The following HKDC1 variants were observed in gnomAD, a reference collection of about 807,000 sequenced individuals.
HKDC1 encodes the protein hexokinase domain containing 1.
A neutral mutation model predicts 96.6 loss-of-function variants in HKDC1; 66 were observed. The ratio of observed to expected loss-of-function variants is 0.68; its 90% CI spans 0.56 to 0.84. HKDC1 has a LOEUF of 0.84. Among genes scored for constraint, HKDC1 ranks in the 40% least tolerant of loss-of-function variants. The pLI, the probability that HKDC1 is intolerant of heterozygous loss-of-function variation, is 0.00. For synonymous variants in HKDC1, 466 were observed against 473.1 expected, an observed-to-expected ratio of 0.98 and a Z score of 0.20; for missense variants, 1,211 against 1,208.1, an observed-to-expected ratio of 1.00 and a Z score of -0.04.
chr10:69,250,268 G>GC, intron 10 of HKDC1, 22 bp from the exon 11 acceptor site: 1 of 1,604,852 alleles, frequency 6.2e-7, no homozygotes, highest in Admixed American at 1.7e-5. Flanking sequence ...ATGGAATGCA[G>GC]CTGCTGCTTT....
chr10:69,244,045 G>T (rs546533479), intron 7 of HKDC1, among the ~76,000 whole-genome samples: 2 of 151,952 alleles, frequency 1.3e-5, no homozygotes, highest in Non-Finnish European at 2.9e-5. Context: ...CGTCGTGTTC[G>T]CATGTCCCCC....
chr10:69,225,070 C>T (rs1033094786), intron 1 of HKDC1, among the ~76,000 whole-genome samples: 1 of 152,206 alleles, frequency 6.6e-6, no homozygotes. Flanking sequence ...GACATTCTTT[C>T]TGTCATAACC....
At chr10:69,228,889 G>T (rs941906138) in intron 2 of HKDC1, among the ~76,000 whole-genome samples, 1 of 125,898 alleles carries the variant, frequency 7.9e-6, no homozygotes, top group East Asian at 2.0e-4. Context: ...AAAGGAAGAA[G>T]AAAGAAAGAA....
intron 12 of HKDC1, among the ~76,000 whole-genome samples, chr10:69,256,381 A>G (rs540580734): frequency 3.0e-4 from 46 of 152,314 alleles, no homozygotes; most frequent in African/African-American, 9.6e-4. Flanking sequence ...TTTGCCTTTG[A>G]TCACATTGTA....
At chr10:69,238,502 G>A (rs1272643050) in intron 4 of HKDC1, among the ~76,000 whole-genome samples, 2 of 85,618 alleles carry the variant, frequency 2.3e-5, no homozygotes, top group Non-Finnish European at 4.5e-5. Context: ...TCAGCCTCCC[G>A]AGTAGCTGGG....
At chr10:69,220,593 G>C in intron 1 of HKDC1, 95 bp downstream of exon 1, 1 of 855,412 alleles carries the variant, frequency 1.2e-6, no homozygotes, top group Non-Finnish European at 1.8e-6. Context: ...AGTGAAGAGA[G>C]CTTATTAGAA....
At chr10:69,249,745 T>C (rs7092458) in intron 10 of HKDC1, among the ~76,000 whole-genome samples, 151,168 of 152,252 alleles carry the variant, frequency 0.99, 75,054 homozygotes, top group Non-Finnish European at 1. Context: ...GTGATCCACC[T>C]GCCTCGGCCT....
intron 1 of HKDC1, chr10:69,226,136 T>G (rs895408561): frequency 2.6e-5 from 4 of 152,146 alleles, no homozygotes; most frequent in Non-Finnish European, 5.9e-5. Flanking sequence ...TTAATTAGTG[T>G]GAGGGAGGAA....
intron 10 of HKDC1, 46 bp downstream of exon 10, chr10:69,248,774 C>G: frequency 1.3e-6 from 2 of 1,504,858 alleles, no homozygotes; most frequent in Non-Finnish European, 1.8e-6. Context: ...CCAGGGCTCC[C>G]GTCAAAACTC....
intron 12 of HKDC1, 83 bp from the exon 13 acceptor site, chr10:69,256,953 T>C (rs1465293917): frequency 2.0e-6 from 2 of 1,024,606 alleles, no homozygotes; most frequent in Non-Finnish European, 3.1e-6. Flanking sequence ...CCAGCTATAG[T>C]GCTTTGCATC....
chr10:69,235,690 G>T (rs1843350044), intron 4 of HKDC1, among the ~76,000 whole-genome samples: 1 of 152,182 alleles, frequency 6.6e-6, no homozygotes, highest in African/African-American at 2.4e-5. Context: ...AGCTCTGTGA[G>T]AATTCATTCA....
chr10:69,242,429 G>GAAAAAAAAAA (rs5785904), intron 6 of HKDC1, among the ~76,000 whole-genome samples: 2 of 115,338 alleles, frequency 1.7e-5, no homozygotes, highest in Non-Finnish European at 3.4e-5. Flanking sequence ...AGATACTGAA[G>GAAAAAAAAAA]AAAAAAAAAA....
intron 12 of HKDC1, among the ~76,000 whole-genome samples, chr10:69,255,000 A>T (rs1288234915): frequency 1.3e-5 from 2 of 152,264 alleles, no homozygotes; most frequent in East Asian, 1.9e-4. Context: ...CTACTAATGC[A>T]TTCCTGCATT....
chr10:69,240,626 A>G, intron 5 of HKDC1, 26 bp from the exon 6 acceptor site: 376 of 1,499,072 alleles, frequency 2.5e-4, no homozygotes, highest in Non-Finnish European at 3.2e-4. Flanking sequence ...CCACCCGCTG[A>G]TTCCCTCTGG....
chr10:69,252,416 C>A (rs893521809), intron 12 of HKDC1, among the ~76,000 whole-genome samples: 1 of 151,850 alleles, frequency 6.6e-6, no homozygotes, highest in Non-Finnish European at 1.5e-5. Flanking sequence ...GAGGCCAAGA[C>A]GGGTGGATCA....
chr10:69,240,339 T>C lies in HKDC1; in HGVS notation c.592-313T>C, dbSNP rs571965930. Among the ~76,000 whole-genome samples, 855 of 152,074 alleles carry C rather than the reference T, an allele frequency of 5.6e-3. 3 individuals are homozygous for C. Among genetic ancestry groups the C allele is most frequent in the Non-Finnish European group, 8.6e-3 (587 of 67,998 alleles). ...CCTATCTGCAGATTAAAAAATAAAA[T>C]TTTTTAAATTAAAAAAAACATCGAC... On this transcript the variant is annotated intron_variant, in intron 5 of 17. Transcript: ENST00000354624.
intron 6 of HKDC1, among the ~76,000 whole-genome samples, chr10:69,241,950 G>T (rs1378117375): frequency 6.6e-6 from 1 of 152,184 alleles, no homozygotes; most frequent in Admixed American, 6.5e-5. Context: ...TTTCCAGTGG[G>T]TGGTCTCCAC....
At chr10:69,261,510 T>C in intron 16 of HKDC1, 1 of 492,186 alleles carries the variant, frequency 2.0e-6, no homozygotes, top group Non-Finnish European at 3.7e-6. Context: ...AAAGTCCTGC[T>C]GTCCCCATCC....
rs539903056 is a variant in HKDC1 at position 69,232,895 on chromosome 10, C to T, written c.358C>T (p.Arg120Cys). The T allele has an allele frequency of 4.2e-5, 67 of 1,613,186 alleles. No homozygotes were observed. Among genetic ancestry groups the T allele is most frequent in the Middle Eastern group, 3.3e-4 (2 of 6,062 alleles). ...QFYPTPNEII[R>C]GNGTELFEYV... ...CTACCCAACGCCCAATGAAATCATC[C>T]GCGGGAACGGCACAGAGGTACCTGG... Residue 120 changes from arginine to cysteine, a missense_variant, in exon 3 of 18, where the codon CGC becomes TGC. Transcript: ENST00000354624.
Sources: allele counts gnomAD v4.1 joint callset (sites outside exome capture counted in the v4.1 genomes callset), GRCh38; gene constraint gnomAD v4.1.1; transcripts MANE v1.5; gene names NCBI Gene and HGNC (gene_info 2026-07-23, HGNC 2026-07-21).